The following ZDHHC15 variants were observed in gnomAD, a reference collection of about 807,000 sequenced individuals.
ZDHHC15 encodes the protein zDHHC palmitoyltransferase 15.
Under a neutral mutation model 31.7 loss-of-function variants are expected in ZDHHC15, and 19 were observed. The ratio of observed to expected loss-of-function variants is 0.60; its 90% CI spans 0.42 to 0.88. The LOEUF (loss-of-function observed/expected upper bound fraction) is 0.88, where lower values mean the gene tolerates loss of function less well. Among genes scored for constraint, ZDHHC15 ranks in the 40% least tolerant of loss-of-function variants. The pLI is 0.00. For missense variants in ZDHHC15, 209 were observed against 251.2 expected (o/e 0.83, Z 1.14); for synonymous variants, 103 against 90.0 (o/e 1.14, Z -0.82).
At chrX:75,433,751 G>C (rs1027417434) in intron 4 of ZDHHC15, among the ~76,000 whole-genome samples, 1 of 107,383 alleles carries the variant, frequency 9.3e-6, no homozygotes, top group Non-Finnish European at 1.9e-5. Flanking sequence ...ATTGGTTTGG[G>C]CTGGTTCCAT....
intron 2 of ZDHHC15, among the ~76,000 whole-genome samples, chrX:75,486,464 G>T (rs921156236): frequency 8.9e-6 from 1 of 112,303 alleles, no homozygotes; most frequent in Non-Finnish European, 1.9e-5. Flanking sequence ...AACCTGGTAG[G>T]GGGAAGTGAT....
chrX:75,400,789 T>G (rs779941531), intron 10 of ZDHHC15, among the ~76,000 whole-genome samples: 6 of 111,647 alleles, frequency 5.4e-5, no homozygotes, highest in African/African-American at 1.6e-4. Flanking sequence ...AACTCTCAGC[T>G]GAAACCCTAT....
At chrX:75,376,287 T>C (rs1402231919) in intron 11 of ZDHHC15, among the ~76,000 whole-genome samples, 3 of 101,409 alleles carry the variant, frequency 3.0e-5, no homozygotes, top group African/African-American at 1.0e-4. Context: ...TTAAGTTCCC[T>C]ATAGATTCTG....
intron 3 of ZDHHC15, among the ~76,000 whole-genome samples, chrX:75,464,804 C>T (rs111769046): frequency 0.018 from 2,016 of 111,296 alleles, 56 homozygotes; most frequent in African/African-American, 0.062. Context: ...AGGAACATAC[C>T]TCAAAATAAT....
At chrX:75,505,919 A>G (rs1319294071) in intron 1 of ZDHHC15, 72 bp from the exon 2 acceptor site, 2 of 953,336 alleles carry the variant, frequency 2.1e-6, no homozygotes, top group African/African-American at 1.9e-5. Flanking sequence ...GAGAGAAATT[A>G]GTTATATTTA....
intron 11 of ZDHHC15, among the ~76,000 whole-genome samples, chrX:75,377,326 A>G (rs1340780152): frequency 2.7e-5 from 3 of 109,746 alleles, no homozygotes; most frequent in Non-Finnish European, 5.7e-5. Context: ...GAGAAACCCC[A>G]TCTCTACCAA....
intron 10 of ZDHHC15, among the ~76,000 whole-genome samples, chrX:75,406,461 GAA>G (rs1440832650): frequency 9.0e-6 from 1 of 110,624 alleles, no homozygotes; most frequent in African/African-American, 3.3e-5. Flanking sequence ...ATTAACCAAG[GAA>G]AAAAGAGAGA....
chrX:75,379,728 G>A (rs1401703451), intron 10 of ZDHHC15, among the ~76,000 whole-genome samples: 1 of 112,306 alleles, frequency 8.9e-6, no homozygotes, highest in Non-Finnish European at 1.9e-5. Context: ...CTTGCTGAAT[G>A]TACAGGTAAT....
chrX:75,371,986 C>T lies in ZDHHC15; in HGVS notation c.*992G>A, dbSNP rs768086590. Reference sequence around the variant, plus strand: ...AAAACACAGCTCTTTAGTGCTAATCCTCAGGCTAATGTCAGCTGTGAAACT... The same window carrying T: ...AAAACACAGCTCTTTAGTGCTAATCTTCAGGCTAATGTCAGCTGTGAAACT... On this transcript the variant is annotated 3_prime_UTR_variant, in exon 12 of 12. Transcript: ENST00000373367. 8.9e-6 allele frequency: 1 copy of T among 112,048 alleles called. No homozygotes were observed. The highest frequency in any genetic ancestry group is 3.2e-5 in the African/African-American group (1 of 30,932). The allele number at this position is 112,048 out of a possible 1,213,427, so 9.2% of individuals were successfully genotyped here. A position where few individuals can be genotyped will look rare whatever the true frequency, so the allele number is the denominator to read the frequency against.
intron 3 of ZDHHC15, among the ~76,000 whole-genome samples, chrX:75,454,380 G>T (rs960480557): frequency 2.7e-5 from 3 of 111,965 alleles, no homozygotes; most frequent in African/African-American, 9.7e-5. Flanking sequence ...TGTGAATGGT[G>T]CTGCAATAAA....
At chrX:75,487,714 GTTGA>G (rs766235436) in intron 2 of ZDHHC15, among the ~76,000 whole-genome samples, 58 of 112,164 alleles carry the variant, frequency 5.2e-4, no homozygotes, top group Non-Finnish European at 8.8e-4. Flanking sequence ...AATTCAGAAG[GTTGA>G]TTATTAAGCT....
intron 10 of ZDHHC15, among the ~76,000 whole-genome samples, chrX:75,409,040 T>G (rs1349656695): frequency 1.8e-5 from 2 of 112,135 alleles, no homozygotes; most frequent in Admixed American, 9.4e-5. Flanking sequence ...AATCTACAGA[T>G]TCAATGCAAT....
At chrX:75,430,450 A>C (rs2083766913) in intron 5 of ZDHHC15, among the ~76,000 whole-genome samples, 1 of 111,959 alleles carries the variant, frequency 8.9e-6, no homozygotes, top group Admixed American at 9.5e-5. Context: ...TGGGCAACAA[A>C]AAAGTAGTAT....
chrX:75,437,895 T>C (rs2083885176), intron 4 of ZDHHC15, among the ~76,000 whole-genome samples: 1 of 110,919 alleles, frequency 9.0e-6, no homozygotes, highest in South Asian at 3.9e-4. Context: ...AAAGGGCTAA[T>C]ATCCAGAATC....
intron 2 of ZDHHC15, among the ~76,000 whole-genome samples, chrX:75,488,775 C>G (rs755562900): frequency 8.9e-6 from 1 of 111,735 alleles, no homozygotes; most frequent in Non-Finnish European, 1.9e-5. Context: ...GTGCACCAAG[C>G]GCTAGCCGAA....
At chrX:75,438,315 T>C (rs1341056834) in intron 4 of ZDHHC15, among the ~76,000 whole-genome samples, 5 of 111,813 alleles carry the variant, frequency 4.5e-5, no homozygotes, top group African/African-American at 1.6e-4. Context: ...TCAAGTCTAA[T>C]AGTAATTGTT....
chrX:75,475,850 T>C (rs780535741), intron 3 of ZDHHC15, among the ~76,000 whole-genome samples: 2 of 112,444 alleles, frequency 1.8e-5, no homozygotes, highest in East Asian at 5.6e-4. Flanking sequence ...AATTCATGAA[T>C]ACAGGATGCT....
intron 4 of ZDHHC15, among the ~76,000 whole-genome samples, chrX:75,449,055 C>T (rs1451530072): frequency 1.8e-5 from 2 of 110,703 alleles, no homozygotes; most frequent in African/African-American, 6.6e-5. Flanking sequence ...CTTACACCAT[C>T]AGCACTACTG....
chrX:75,490,644 G>T (rs1056145085), intron 2 of ZDHHC15, among the ~76,000 whole-genome samples: 1 of 111,413 alleles, frequency 9.0e-6, no homozygotes, highest in Admixed American at 9.6e-5. Context: ...TCTTCCATTT[G>T]TTTGTATCCT....
Sources: allele counts gnomAD v4.1 joint callset (sites outside exome capture counted in the v4.1 genomes callset), GRCh38; gene constraint gnomAD v4.1.1; transcripts MANE v1.5; gene names NCBI Gene and HGNC (gene_info 2026-07-23, HGNC 2026-07-21).